The following HAPSTR1 variants were observed in gnomAD, a reference collection of about 807,000 sequenced individuals.
HAPSTR1 encodes the protein HUWE1 associated protein modifying stress responses, also known as HUWE1-associated protein modifying stress responses 1.
the HAPSTR1 span, chr16:9,108,632 A>C: frequency 6.6e-6 from 1 of 152,178 alleles, no homozygotes; most frequent in Non-Finnish European, 1.5e-5. Context: ...ATCAGAAACG[A>C]TGTGAATTTT....
the HAPSTR1 span, chr16:9,105,562 A>T: frequency 7.2e-5 from 11 of 152,252 alleles, no homozygotes; most frequent in Admixed American, 2.6e-4. Flanking sequence ...AGTAACATAG[A>T]TTAGTGACTT....
the HAPSTR1 span, chr16:9,104,437 T>C: frequency 6.6e-6 from 1 of 152,206 alleles, no homozygotes; most frequent in South Asian, 2.1e-4. Context: ...TTTTGGGCCA[T>C]AGTACAGGTC....
chr16:9,103,343 A>C, the HAPSTR1 span: 1 of 1,404,218 alleles, frequency 7.1e-7, no homozygotes, highest in Non-Finnish European at 9.6e-7. Context: ...GTTTAGGTCC[A>C]GATATACTGT....
chr16:9,116,241 T>C, the HAPSTR1 span, among the ~76,000 whole-genome samples: 10,602 of 152,234 alleles, frequency 0.07, 1,162 homozygotes, highest in African/African-American at 0.24. Context: ...CTGGCTCTCC[T>C]GAATACATCA....
chr16:9,092,370 C>A, the HAPSTR1 span: 2 of 1,090,568 alleles, frequency 1.8e-6, no homozygotes, highest in Non-Finnish European at 2.3e-6. Context: ...GCCGCGACGG[C>A]GGCGGCCTCG....
At chr16:9,092,294 G>T in the HAPSTR1 span, 45 of 1,483,986 alleles carry the variant, frequency 3.0e-5, no homozygotes, top group South Asian at 4.9e-4. Context: ...CGCCATCTTG[G>T]TACCGCTTGG....
the HAPSTR1 span, among the ~76,000 whole-genome samples, chr16:9,100,727 GT>G: frequency 6.6e-6 from 1 of 151,988 alleles, no homozygotes; most frequent in African/African-American, 2.4e-5. Flanking sequence ...TAGAGGCGGG[GT>G]TTTGCCATCT....
the HAPSTR1 span, among the ~76,000 whole-genome samples, chr16:9,093,618 A>C: frequency 3.3e-5 from 5 of 152,136 alleles, no homozygotes; most frequent in African/African-American, 4.8e-5. Flanking sequence ...GTTTTCTGTT[A>C]AAAGGATCCT....
At chr16:9,091,726 G>T in the HAPSTR1 span, 2 of 399,808 alleles carry the variant, frequency 5.0e-6, no homozygotes, top group South Asian at 1.3e-4. Context: ...GCAGTGGGGA[G>T]GCCGCAGCGC....
chr16:9,097,890 G>A, the HAPSTR1 span, among the ~76,000 whole-genome samples: 1 of 152,346 alleles, frequency 6.6e-6, no homozygotes, highest in South Asian at 2.1e-4. Flanking sequence ...ATGCACATGA[G>A]TTGAGAGCTA....
At chr16:9,096,390 TTCA>T in the HAPSTR1 span, among the ~76,000 whole-genome samples, 21,425 of 152,170 alleles carry the variant, frequency 0.14, 1,831 homozygotes, top group Non-Finnish European at 0.19. Context: ...TATTTCCTTC[TTCA>T]TCTTCTTTCC....
chr16:9,119,790 C>T, the HAPSTR1 span: 2 of 152,148 alleles, frequency 1.3e-5, no homozygotes, highest in Non-Finnish European at 2.9e-5. Context: ...AAAGAATTAG[C>T]TTTCTAAATG....
the HAPSTR1 span, chr16:9,108,826 G>A: frequency 1.6e-4 from 24 of 152,242 alleles, no homozygotes; most frequent in African/African-American, 5.5e-4. Flanking sequence ...TGTGAAAGGT[G>A]ATATACTTAC....
At chr16:9,116,633 T>G in the HAPSTR1 span, 2 of 1,600,250 alleles carry the variant, frequency 1.2e-6, no homozygotes, top group Middle Eastern at 1.7e-4. Flanking sequence ...GGTTACATAA[T>G]TGAGCAACTC....
At chr16:9,092,718 C>A in the HAPSTR1 span, among the ~76,000 whole-genome samples, 1 of 152,132 alleles carries the variant, frequency 6.6e-6, no homozygotes, top group South Asian at 2.1e-4. Context: ...TGCGGCATCC[C>A]CTTTTCCCCG....
At chr16:9,113,021 T>G in the HAPSTR1 span, 1 of 150,388 alleles carries the variant, frequency 6.6e-6, no homozygotes, top group South Asian at 2.1e-4. Context: ...TTTTTTTGTT[T>G]TTTTTGTTTT....
At chr16:9,106,829 C>T in the HAPSTR1 span, 2 of 152,020 alleles carry the variant, frequency 1.3e-5, no homozygotes, top group South Asian at 4.1e-4. Flanking sequence ...ATAAATTTCC[C>T]AAGAGTTGAA....
the HAPSTR1 span, among the ~76,000 whole-genome samples, chr16:9,100,835 A>G: frequency 5.3e-5 from 8 of 152,066 alleles, no homozygotes; most frequent in Non-Finnish European, 7.4e-5. Context: ...ATGCCTGGCC[A>G]TCTTTCTTTG....
At chr16:9,096,761 G>T in the HAPSTR1 span, among the ~76,000 whole-genome samples, 3 of 152,112 alleles carry the variant, frequency 2.0e-5, no homozygotes, top group Non-Finnish European at 4.4e-5. Context: ...AACTTTTCAT[G>T]CCTGTAATCC....
Sources: allele counts gnomAD v4.1 joint callset (sites outside exome capture counted in the v4.1 genomes callset), GRCh38; gene constraint gnomAD v4.1.1; transcripts MANE v1.5; gene names NCBI Gene and HGNC (gene_info 2026-07-23, HGNC 2026-07-21).